Variants in TRPA1 observed in about 807,000 individuals in gnomAD.
The protein encoded by TRPA1 is transient receptor potential cation channel subfamily A member 1, also known as ankyrin-like with transmembrane domains 1.
Under a neutral mutation model 131.3 loss-of-function variants are expected in TRPA1, and 129 were observed. The observed-to-expected ratio is 0.98, with a 90% CI of 0.85 to 1.14. The LOEUF (loss-of-function observed/expected upper bound fraction) is 1.14. TRPA1 is among the 50% of genes most tolerant of loss of function. TRPA1 has a pLI of 0.00. For synonymous variants in TRPA1, 441 were observed against 451.7 expected (o/e 0.98, Z 0.30); for missense variants, 1,304 against 1,354.2 (o/e 0.96, Z 0.58).
intron 1 of TRPA1, among the ~76,000 whole-genome samples, chr8:72,073,752 C>A (rs936301332): frequency 2.0e-5 from 3 of 152,214 alleles, no homozygotes; most frequent in Non-Finnish European, 4.4e-5. Flanking sequence ...AATAAAACCA[C>A]ATGGGTGATT....
At chr8:72,063,620 G>T in intron 4 of TRPA1, 49 bp from the exon 5 acceptor site, 4 of 1,281,638 alleles carry the variant, frequency 3.1e-6, no homozygotes, top group South Asian at 2.4e-5. Context: ...ACCCCAAATC[G>T]CAAGGGTGGA....
chr8:72,032,601 T>A (rs565559386), intron 23 of TRPA1, among the ~76,000 whole-genome samples: 20 of 152,302 alleles, frequency 1.3e-4, no homozygotes, highest in African/African-American at 4.8e-4. Context: ...CGCTGGATGT[T>A]TGGATCTTCA....
chr8:72,021,454 C>T lies in TRPA1; in HGVS notation c.*1452G>A, dbSNP rs1485494670. 2.0e-5 allele frequency: 3 copies of T among 152,082 alleles called. No homozygotes were observed. Among genetic ancestry groups the T allele is most frequent in the Admixed American group, 6.5e-5 (1 of 15,270 alleles). 9.4% of individuals were successfully genotyped at this position (152,082 alleles called of 1,614,324 possible). A position where few individuals can be genotyped will look rare whatever the true frequency, so the allele number is the denominator to read the frequency against. On this transcript the variant is annotated 3_prime_UTR_variant, in exon 27 of 27. Transcript: ENST00000262209. ...TGCTTCTGTATAGTGATTTTCCACC[C>T]TTTCTGTTTTAAGAAATATAAAGAA...
chr8:72,084,668 T>TTTC, the TRPA1 span, among the ~76,000 whole-genome samples: 1 of 147,164 alleles, frequency 6.8e-6, no homozygotes, highest in Non-Finnish European at 1.5e-5. Flanking sequence ...TTTTTTTTTT[T>TTTC]TGAGACAGGG....
At chr8:72,041,336 C>T (rs1037971584) in intron 17 of TRPA1, 4 of 152,096 alleles carry the variant, frequency 2.6e-5, no homozygotes, top group Admixed American at 6.6e-5. Flanking sequence ...AAACAGAAGA[C>T]GTGAACCACA....
intron 15 of TRPA1, among the ~76,000 whole-genome samples, chr8:72,048,044 G>C (rs13255816): frequency 6.6e-6 from 1 of 151,596 alleles, no homozygotes; most frequent in African/African-American, 2.4e-5. Flanking sequence ...TGTTTAGAGG[G>C]GGGTGGACAG....
chr8:72,064,486 T>A (rs13266501), intron 4 of TRPA1, among the ~76,000 whole-genome samples: 8 of 151,678 alleles, frequency 5.3e-5, no homozygotes, highest in African/African-American at 1.7e-4. Flanking sequence ...AATTTAAGGC[T>A]CTTTTCCTAA....
intron 7 of TRPA1, chr8:72,060,266 C>T (rs1251172250): frequency 1.3e-5 from 2 of 151,908 alleles, no homozygotes; most frequent in African/African-American, 4.8e-5. Flanking sequence ...TTAACAATAA[C>T]CAAATCATTG....
At chr8:72,084,919 G>A in the TRPA1 span, among the ~76,000 whole-genome samples, 1 of 151,704 alleles carries the variant, frequency 6.6e-6, no homozygotes, top group Non-Finnish European at 1.5e-5. Flanking sequence ...CAAAGTGCTG[G>A]GATTACAAAC....
chr8:72,083,060 A>G, the TRPA1 span, among the ~76,000 whole-genome samples: 1 of 151,922 alleles, frequency 6.6e-6, no homozygotes, highest in African/African-American at 2.4e-5. Flanking sequence ...TTGTTTCCAA[A>G]TCTGCTATTG....
intron 17 of TRPA1, among the ~76,000 whole-genome samples, chr8:72,041,008 T>G (rs80268000): frequency 3.1e-4 from 47 of 152,072 alleles, no homozygotes; most frequent in African/African-American, 1.1e-3. Flanking sequence ...CAGGCTGAAA[T>G]TGAACGGATG....
chr8:72,031,624 C>T (rs1811825345), intron 23 of TRPA1, among the ~76,000 whole-genome samples: 1 of 150,860 alleles, frequency 6.6e-6, no homozygotes, highest in Admixed American at 6.6e-5. Flanking sequence ...AAAAAACAAA[C>T]AAACAACAAA....
chr8:72,077,581 A>G (rs529710884), upstream of TRPA1, among the ~76,000 whole-genome samples: 13 of 152,338 alleles, frequency 8.5e-5, no homozygotes, highest in South Asian at 2.7e-3. Flanking sequence ...TTAATTTTTA[A>G]AAAATATTAT....
rs1418865582 is a variant in TRPA1, at chr8:72,033,666, G to T, written c.2846C>A (p.Pro949Gln). The change falls in exon 23 of 27, where the codon CCA becomes CAA. Residue 949 changes from proline to glutamine, a missense_variant. Transcript: ENST00000262209. ...TACAAGTAAATTCATGAGGACAATTGGGACAAATATTGTGAAGGAAACAAG... is the reference window on the plus strand; with the variant it reads ...TACAAGTAAATTCATGAGGACAATTTGGACAAATATTGTGAAGGAAACAAG... ...AQLVSFTIFVPIVLMNLLIGL... is the reference protein window; with the variant it reads ...AQLVSFTIFVQIVLMNLLIGL... 5.6e-6 allele frequency: 9 copies of T among 1,613,708 alleles called. No homozygotes were observed. Among genetic ancestry groups the T allele is most frequent in the South Asian group, 1.1e-5 (1 of 91,022 alleles).
rs780291142 is a variant in TRPA1 at position 72,075,446 on chromosome 8, A to T, written c.-37T>A. 3.2e-6 allele frequency: 5 copies of T among 1,544,428 alleles called. No homozygotes were observed. The highest frequency in any genetic ancestry group is 4.4e-6 in the Non-Finnish European group (5 of 1,127,364). The stretch of plus-strand genomic sequence containing the variant: ...CGGACGCCACCTGGTGCAGCTGCTC[A>T]CCACGCGCGCGGGCACCTGGGGCGA... On this transcript the variant is annotated 5_prime_UTR_variant, in exon 1 of 27. Transcript: ENST00000262209.
chr8:72,071,496 G>C lies in TRPA1; in HGVS notation c.268+215C>G, dbSNP rs905432003. Among the ~76,000 whole-genome samples, 6 of 152,170 alleles carry C rather than the reference G, an allele frequency of 3.9e-5. No homozygotes were observed. In the South Asian group the frequency reaches 1.2e-3, roughly 32 times the overall value. On this transcript the variant is annotated intron_variant, in intron 2 of 26. Coordinates refer to ENST00000262209, the MANE Select transcript of TRPA1 (RefSeq NM_007332.3). ...AATTCAAATGAAGTCTGTGCTTGTT[G>C]TGGGGTGTCCTAGATCTCTGTAATA...
chr8:72,072,993 A>T (rs1806099382), intron 1 of TRPA1, among the ~76,000 whole-genome samples: 2 of 152,196 alleles, frequency 1.3e-5, no homozygotes, highest in South Asian at 4.1e-4. Context: ...AAGTTCTGAA[A>T]GTAAGCCAAG....
chr8:72,031,724 C>T (rs1012034660), intron 23 of TRPA1, among the ~76,000 whole-genome samples: 63 of 152,044 alleles, frequency 4.1e-4, no homozygotes, highest in African/African-American at 1.5e-3. Context: ...GCTTATAAGC[C>T]ATAGAAGAGA....
At chr8:72,036,070 CAAAGTT>C (rs1156882236) in intron 21 of TRPA1, among the ~76,000 whole-genome samples, 1 of 136,972 alleles carries the variant, frequency 7.3e-6, no homozygotes, top group African/African-American at 2.7e-5. Flanking sequence ...TATCTGGCTA[CAAAGTT>C]CAATAGTGCC....
Sources: gnomAD v4.1 joint callset for allele counts (sites outside exome capture counted in the v4.1 genomes callset) on GRCh38, gnomAD v4.1.1 for gene constraint, MANE v1.5 for transcripts, NCBI Gene and HGNC (gene_info 2026-07-23, HGNC 2026-07-21) for gene names.